CDRT4: variants seen among roughly 807,000 people sequenced by gnomAD.
The protein encoded by CDRT4 is CMT1A duplicated region transcript 4.
For missense variants in CDRT4, 167 were observed against 193.1 expected (o/e 0.87, Z 0.80); for synonymous variants, 64 against 69.6 (o/e 0.92, Z 0.40).
chr17:15,455,952 AG>A lies in CDRT4; in HGVS notation c.-129-2868del, dbSNP rs1979463603. ...ACTGAGATAACAAATATTTGTTTAA[AG>A]CAACTAACCTTTGGAGTGCTTTGTT... On this transcript the variant is annotated intron_variant, in intron 1 of 3. Coordinates refer to ENST00000619038, the MANE Select transcript of CDRT4 (RefSeq NM_001204477.2). Among the ~76,000 whole-genome samples, 6 of 152,308 alleles carry A rather than the reference AG, an allele frequency of 3.9e-5. No individual in the cohort carries two copies. In the East Asian group the frequency reaches 9.7e-4, roughly 25 times the overall value.
At chr17:15,439,320 C>T (rs546077350) in intron 3 of CDRT4, among the ~76,000 whole-genome samples, 2 of 152,094 alleles carry the variant, frequency 1.3e-5, no homozygotes, top group African/African-American at 2.4e-5. Flanking sequence ...AAGTGTAGGT[C>T]GTATAGTTAT....
chr17:15,446,446 A>C (rs952549662), intron 2 of CDRT4, among the ~76,000 whole-genome samples: 4 of 152,130 alleles, frequency 2.6e-5, no homozygotes, highest in African/African-American at 4.8e-5. Flanking sequence ...GTTAAGGCAA[A>C]GGGCAATGGG....
intron 1 of CDRT4, among the ~76,000 whole-genome samples, chr17:15,465,583 C>A (rs1479918242): frequency 6.6e-6 from 1 of 152,040 alleles, no homozygotes; most frequent in East Asian, 1.9e-4. Flanking sequence ...TACAAACACA[C>A]ACACCAACAC....
rs750625973 is a variant in CDRT4 at position 15,464,067 on chromosome 17, G to A, written c.-130+3393C>T. Among the ~76,000 whole-genome samples, 1 of 152,192 alleles carries A rather than the reference G, an allele frequency of 6.6e-6. No homozygotes were observed. Among genetic ancestry groups the A allele is most frequent in the Non-Finnish European group, 1.5e-5 (1 of 68,040 alleles). ...TGCCCTCTAGGAGTATGGCATGGAG[G>A]GGCAGACCTCGAATGTTGGCATTAG... is the stretch of plus-strand genomic sequence containing the variant. On this transcript the variant is annotated intron_variant, in intron 1 of 3. Coordinates refer to ENST00000619038, the MANE Select transcript of CDRT4 (RefSeq NM_001204477.2). The surrounding 1 kb of genome is among the most constrained non-coding windows in gnomAD (Gnocchi z 4.5).
intron 1 of CDRT4, among the ~76,000 whole-genome samples, chr17:15,455,073 T>C (rs1430994239): frequency 6.6e-6 from 1 of 151,898 alleles, no homozygotes; most frequent in Admixed American, 6.5e-5. Flanking sequence ...CTAGATGAAC[T>C]CTAGAGAGAA....
Position 15,450,611 on chromosome 17 carries a change from T to C in CDRT4, c.-48+2393A>G, listed in dbSNP as rs1350095275. ...TTATTTCCACACATCCCCAAAGTGA[T>C]GGCAATCAGTTTTGTGGCTCTACAT... On this transcript the variant is annotated intron_variant, in intron 2 of 3. Transcript: ENST00000619038. The surrounding 1 kb of genome is among the most constrained non-coding windows in gnomAD (Gnocchi z 4.2). Among the ~76,000 whole-genome samples the C allele has an allele frequency of 6.6e-6, 1 of 152,002 alleles. No individual in the cohort carries two copies. Among genetic ancestry groups the C allele is most frequent in the Admixed American group, 6.6e-5 (1 of 15,254 alleles).
rs769239378 is a variant in CDRT4 at position 15,437,561 on chromosome 17, G to C, written c.*212C>G. The C allele has an allele frequency of 4.0e-5, 24 of 596,194 alleles. No homozygotes were observed. The highest frequency in any genetic ancestry group is 7.1e-5 in the Non-Finnish European group (24 of 338,180). 36.9% of individuals were successfully genotyped at this position (596,194 alleles called of 1,614,324 possible). On this transcript the variant is annotated 3_prime_UTR_variant, in exon 4 of 4. Transcript: ENST00000619038. ...AGCCAGGGACTGCCCAAACCCACCA[G>C]AGAGCAGTGTGGGAGGGGACACACT...
chr17:15,446,947 A>C (rs950364907), intron 2 of CDRT4, among the ~76,000 whole-genome samples: 1 of 152,202 alleles, frequency 6.6e-6, no homozygotes, highest in African/African-American at 2.4e-5. Context: ...ACACATGCAC[A>C]CATTCAAAAA....
At chr17:15,466,757 C>T (rs1422267448) in intron 1 of CDRT4, among the ~76,000 whole-genome samples, 3 of 151,964 alleles carry the variant, frequency 2.0e-5, no homozygotes, top group Non-Finnish European at 4.4e-5. Flanking sequence ...TTTGTAGAAA[C>T]GGGGTCTTGC....
intron 1 of CDRT4, among the ~76,000 whole-genome samples, chr17:15,462,427 CAAAAAAAAAAAA>C (rs55662712): frequency 0.011 from 677 of 59,950 alleles, 11 homozygotes; most frequent in African/African-American, 0.044. Flanking sequence ...GACTCCATCT[CAAAAAAAAAAAA>C]AAAAAAAAAA....
chr17:15,466,530 T>A (rs1328972153), intron 1 of CDRT4, among the ~76,000 whole-genome samples: 2 of 152,240 alleles, frequency 1.3e-5, no homozygotes, highest in African/African-American at 4.8e-5. Context: ...TTACTTTTTT[T>A]AATTTTTACT....
chr17:15,459,634 G>A (rs1424739561), intron 1 of CDRT4, among the ~76,000 whole-genome samples: 1 of 151,788 alleles, frequency 6.6e-6, no homozygotes, highest in African/African-American at 2.4e-5. Context: ...TTTTAGTAGA[G>A]ACAGGGTTTC....
At chr17:15,438,281 G>C in intron 3 of CDRT4, 81 bp from the exon 4 acceptor site, 1 of 1,430,794 alleles carries the variant, frequency 7.0e-7, no homozygotes, top group Non-Finnish European at 9.5e-7. Context: ...GAAGGCATTG[G>C]AACCAGATTT....
At chr17:15,460,177 C>T (rs908658761) in intron 1 of CDRT4, among the ~76,000 whole-genome samples, 1 of 152,174 alleles carries the variant, frequency 6.6e-6, no homozygotes, top group African/African-American at 2.4e-5. Flanking sequence ...CTCCTGACAC[C>T]TCTCTCTCCC....
At chr17:15,438,951 C>T (rs1978627246) in intron 3 of CDRT4, among the ~76,000 whole-genome samples, 1 of 152,134 alleles carries the variant, frequency 6.6e-6, no homozygotes, top group Non-Finnish European at 1.5e-5. Flanking sequence ...CAAAGCTTTT[C>T]ACTATGGTTG....
Position 15,442,074 on chromosome 17 carries a change from A to C in CDRT4, c.-47-1789T>G, listed in dbSNP as rs72821023. ...ACCCAACTTGGGCCTGTCCACCTCT[A>C]GTGAAAATAGAACTCTTTACTTCTT... On this transcript the variant is annotated intron_variant, in intron 2 of 3. Transcript: ENST00000619038. Among the ~76,000 whole-genome samples the C allele has an allele frequency of 6.0e-3, 912 of 152,310 alleles. 8 individuals are homozygous for C. Among genetic ancestry groups the C allele is most frequent in the Middle Eastern group, 0.017 (5 of 294 alleles).
At chr17:15,442,816 T>TG (rs1978831699) in intron 2 of CDRT4, among the ~76,000 whole-genome samples, 1 of 152,204 alleles carries the variant, frequency 6.6e-6, no homozygotes, top group African/African-American at 2.4e-5. Flanking sequence ...GGGGAGGACT[T>TG]GTTTGTTTGA....
At chr17:15,441,091 T>C (rs1224315547) in intron 2 of CDRT4, among the ~76,000 whole-genome samples, 2 of 152,222 alleles carry the variant, frequency 1.3e-5, no homozygotes, top group African/African-American at 4.8e-5. Context: ...GTTCATTACA[T>C]TTCTATATTC....
chr17:15,439,704 G>A (rs1978666477), intron 3 of CDRT4, among the ~76,000 whole-genome samples: 1 of 152,122 alleles, frequency 6.6e-6, no homozygotes, highest in Non-Finnish European at 1.5e-5. Context: ...GTCCAACAAT[G>A]ATAGACTGGA....
Sources: allele counts gnomAD v4.1 joint callset (sites outside exome capture counted in the v4.1 genomes callset), GRCh38; gene constraint gnomAD v4.1.1; non-coding constraint Gnocchi (gnomAD v3.1); transcripts MANE v1.5; gene names NCBI Gene and HGNC (gene_info 2026-07-23, HGNC 2026-07-21).